ARID2: variants seen among roughly 807,000 people sequenced by gnomAD.
ARID2 encodes the protein AT-rich interaction domain 2, also known as AT-rich interactive domain-containing protein 2.
A neutral mutation model predicts 184.6 loss-of-function variants in ARID2; 32 were observed. The observed-to-expected ratio is 0.17, with a 90% CI of 0.13 to 0.23. The LOEUF (loss-of-function observed/expected upper bound fraction) is 0.23. Among genes scored for constraint, ARID2 ranks in the 10% least tolerant of loss-of-function variants. The probability of loss-of-function intolerance (pLI) is 1.00; values close to 1 mark genes in which losing one functional copy is unlikely to be tolerated. For missense variants in ARID2, 1,696 were observed against 2,197.6 expected (o/e 0.77, Z 4.56); for synonymous variants, 836 against 772.6 (o/e 1.08, Z -1.36).
intron 3 of ARID2, among the ~76,000 whole-genome samples, chr12:45,775,547 C>T (rs776417792): frequency 1.6e-4 from 25 of 152,100 alleles, no homozygotes; most frequent in Non-Finnish European, 2.5e-4. Context: ...CAATTTGATG[C>T]GTTACTAGTT....
chr12:45,786,991 A>G (rs934903946), intron 3 of ARID2, among the ~76,000 whole-genome samples: 1 of 152,176 alleles, frequency 6.6e-6, no homozygotes, highest in Admixed American at 6.5e-5. Flanking sequence ...AGTTGTGGAG[A>G]TGGGGGAGAT....
rs565766597 is a variant in ARID2, at chr12:45,760,649, A to G, written c.284+29335A>G. 1.2e-4 allele frequency among the ~76,000 whole-genome samples: 18 copies of G among 152,214 alleles called. No individual in the cohort carries two copies. In the South Asian group the frequency reaches 3.5e-3, roughly 30 times the overall value. ...GTATGTTGAGGCTGTATATATGTGT[A>G]TCTGTGTATATTCACATTTGCTTTT... On this transcript the variant is annotated intron_variant, in intron 3 of 20. Coordinates refer to ENST00000334344, the MANE Select transcript of ARID2 (RefSeq NM_152641.4).
intron 6 of ARID2, among the ~76,000 whole-genome samples, chr12:45,829,465 T>A (rs932821691): frequency 6.6e-6 from 1 of 152,050 alleles, no homozygotes; most frequent in Non-Finnish European, 1.5e-5. Context: ...GTCCTCATTC[T>A]TTCTTGTGTA....
chr12:45,884,552 A>C (rs1944156488), intron 16 of ARID2, among the ~76,000 whole-genome samples: 3 of 152,248 alleles, frequency 2.0e-5, no homozygotes, highest in Admixed American at 2.0e-4. Flanking sequence ...AAAGTCCCTG[A>C]TAATTCACTT....
chr12:45,866,151 A>T (rs922694438), intron 16 of ARID2, among the ~76,000 whole-genome samples: 1 of 152,068 alleles, frequency 6.6e-6, no homozygotes, highest in Non-Finnish European at 1.5e-5. Flanking sequence ...ACTCATTAAT[A>T]TGACTATATA....
intron 15 of ARID2, among the ~76,000 whole-genome samples, chr12:45,858,414 C>T (rs1943688731): frequency 6.6e-6 from 1 of 152,134 alleles, no homozygotes; most frequent in African/African-American, 2.4e-5. Context: ...TGCTCTTTAA[C>T]CCCTCCTCCC....
intron 3 of ARID2, among the ~76,000 whole-genome samples, chr12:45,771,960 T>C (rs1222997179): frequency 6.6e-6 from 1 of 152,032 alleles, no homozygotes; most frequent in Non-Finnish European, 1.5e-5. Flanking sequence ...CTTATAACAT[T>C]TATAGATGTA....
intron 1 of ARID2, 51 bp downstream of exon 1, chr12:45,729,979 GC>G (rs780394261): frequency 6.2e-7 from 1 of 1,605,914 alleles, no homozygotes; most frequent in African/African-American, 1.3e-5. Context: ...GGCGAACGGG[GC>G]TCTCCCGCCC....
chr12:45,760,540 G>T (rs1941656145), intron 3 of ARID2, among the ~76,000 whole-genome samples: 1 of 151,472 alleles, frequency 6.6e-6, no homozygotes. Flanking sequence ...GTGTTTTTTT[G>T]TGTTTTTGCA....
intron 3 of ARID2, among the ~76,000 whole-genome samples, chr12:45,810,702 C>T (rs1043674823): frequency 1.3e-5 from 2 of 151,910 alleles, no homozygotes; most frequent in South Asian, 4.2e-4. Flanking sequence ...TGCACATGAA[C>T]CTGTTGTTAT....
intron 20 of ARID2, among the ~76,000 whole-genome samples, chr12:45,899,633 T>A (rs929604755): frequency 1.5e-5 from 2 of 134,758 alleles, no homozygotes; most frequent in Non-Finnish European, 3.1e-5. Context: ...ATATATTTGG[T>A]TATATATATA....
chr12:45,830,869 A>G (rs1943106348), intron 6 of ARID2, among the ~76,000 whole-genome samples: 1 of 152,146 alleles, frequency 6.6e-6, no homozygotes, highest in Non-Finnish European at 1.5e-5. Context: ...CAGCCTGGCC[A>G]ACATGGCAAA....
At position 45,892,068 on chromosome 12, in the gene ARID2, C is replaced by G; in HGVS notation, c.5119C>G (p.Gln1707Glu). The change falls in exon 18 of 21, where the codon CAA (glutamine) becomes GAA (glutamate). Residue 1707 changes from glutamine (Q) to glutamate (E), a missense_variant. Gln to Glu is a conservative substitution (Grantham distance 29). This residue lies in a region of ARID2 where 58 missense variants were observed against 47.1 expected (regional missense o/e 1.23). Transcript: ENST00000334344. ...LAGLKQDEPG[Q>E]AGSQKSSTKQ... ...AGGATTAAAACAAGATGAACCAGGACAAGCAGGAAGTCAGAAGTCTTCTAC... is the reference window on the plus strand; with the variant it reads ...AGGATTAAAACAAGATGAACCAGGAGAAGCAGGAAGTCAGAAGTCTTCTAC... 2 of 1,614,040 alleles carry G rather than the reference C, an allele frequency of 1.2e-6. No individual in the cohort carries two copies. The highest frequency in any genetic ancestry group is 2.2e-5 in the South Asian group (2 of 91,072).
intron 6 of ARID2, among the ~76,000 whole-genome samples, chr12:45,833,118 A>G (rs1943152528): frequency 1.3e-5 from 2 of 152,160 alleles, no homozygotes; most frequent in Non-Finnish European, 2.9e-5. Flanking sequence ...CATCTTTTCT[A>G]GTTAAGCAAA....
At chr12:45,882,650 AC>A (rs1944123734) in intron 16 of ARID2, among the ~76,000 whole-genome samples, 1 of 152,246 alleles carries the variant, frequency 6.6e-6, no homozygotes, top group Admixed American at 6.5e-5. Flanking sequence ...CTTAGCAAAT[AC>A]TGTTTAATTT....
intron 16 of ARID2, among the ~76,000 whole-genome samples, chr12:45,872,266 C>G (rs1425040252): frequency 6.6e-6 from 1 of 152,016 alleles, no homozygotes; most frequent in Non-Finnish European, 1.5e-5. Flanking sequence ...AATGCTAAAG[C>G]CTTCCCTCTA....
chr12:45,861,295 T>G (rs1373195816), intron 16 of ARID2, among the ~76,000 whole-genome samples: 1 of 152,174 alleles, frequency 6.6e-6, no homozygotes, highest in Non-Finnish European at 1.5e-5. Flanking sequence ...TAGTGGCAGC[T>G]ATAGTATTTC....
chr12:45,847,941 TA>T (rs1943474440), intron 12 of ARID2, among the ~76,000 whole-genome samples: 1 of 152,032 alleles, frequency 6.6e-6, no homozygotes, highest in Admixed American at 6.6e-5. Flanking sequence ...TTTTTATATC[TA>T]GTCTTTTTGA....
chr12:45,805,104 C>G (rs1161230479), intron 3 of ARID2, among the ~76,000 whole-genome samples: 1 of 151,660 alleles, frequency 6.6e-6, no homozygotes, highest in African/African-American at 2.4e-5. Context: ...GTGTTGTTTC[C>G]AGTTGGTTTT....
Sources: allele counts gnomAD v4.1 joint callset (sites outside exome capture counted in the v4.1 genomes callset), GRCh38; gene constraint gnomAD v4.1.1; regional missense constraint gnomAD v4.1.1; transcripts MANE v1.5; gene names NCBI Gene and HGNC (gene_info 2026-07-23, HGNC 2026-07-21).